The following TARS3 variants were observed in gnomAD, a reference collection of about 807,000 sequenced individuals.
The protein encoded by TARS3 is threonine--tRNA ligase 2, cytoplasmic.
TARS3 carries 94 observed loss-of-function variants against 103.5 expected under a neutral mutation model. That is an observed-to-expected ratio of 0.91 (90% CI 0.77 to 1.08). The LOEUF (loss-of-function observed/expected upper bound fraction) is 1.08, where lower values mean the gene tolerates loss of function less well. TARS3 is among the 50% of genes least tolerant of loss of function. The pLI is 0.00. For missense variants in TARS3, 952 were observed against 995.2 expected, an observed-to-expected ratio of 0.96 and a Z score of 0.58; for synonymous variants, 416 against 355.4, an observed-to-expected ratio of 1.17 and a Z score of -1.92.
Position 101,654,699 on chromosome 15 carries a change from A to G in TARS3, c.2292T>C (p.Ala764=). Residue 764 remains alanine, a synonymous_variant, in exon 19 of 19, where the codon GCT becomes GCC. Coordinates refer to ENST00000335968, the MANE Select transcript of TARS3 (RefSeq NM_152334.3). ...TGTTGTCTCTTGTTCGCACGTTTAC[A>G]GCATTATCTATCTTTTCCTTTTCTC... ...VVGEKEKIDN[A]VNVRTRDNKI... The G allele has an allele frequency of 1.2e-6, 2 of 1,614,012 alleles. No homozygotes were observed. The highest frequency in any genetic ancestry group is 1.1e-5 in the South Asian group (1 of 91,032).
At chr15:101,655,911 G>A (rs2141376589) in intron 18 of TARS3, 1 of 1,289,254 alleles carries the variant, frequency 7.8e-7, no homozygotes, top group East Asian at 5.5e-5. Context: ...GAGCCAGCCA[G>A]AACTTTCTGG....
At position 101,654,242 on chromosome 15, in the gene TARS3, A is replaced by C. The variant is rs1345646357; in HGVS notation, c.*340T>G. 5.1e-6 allele frequency: 1 copy of C among 195,646 alleles called. No individual in the cohort carries two copies. Among genetic ancestry groups the C allele is most frequent in the Non-Finnish European group, 1.0e-5 (1 of 98,066 alleles). The allele number at this position is 195,646 out of a possible 1,614,324, so 12.1% of individuals were successfully genotyped here. ...CCCTCCTATTTAAAAAAAACTCTGC[A>C]GACTTTTATTTGAAGCCCATCTTTT... is the stretch of plus-strand genomic sequence containing the variant. On this transcript the variant is annotated 3_prime_UTR_variant, in exon 19 of 19. Coordinates refer to ENST00000335968, the MANE Select transcript of TARS3 (RefSeq NM_152334.3).
intron 10 of TARS3, among the ~76,000 whole-genome samples, chr15:101,696,473 G>A (rs1898988298): frequency 6.6e-6 from 1 of 152,070 alleles, no homozygotes; most frequent in Non-Finnish European, 1.5e-5. Context: ...ACCCACAGGA[G>A]CCTAAAATTT....
chr15:101,668,495 GAAT>G (rs534511754), intron 15 of TARS3, among the ~76,000 whole-genome samples: 184 of 152,186 alleles, frequency 1.2e-3, no homozygotes, highest in African/African-American at 4.2e-3. Flanking sequence ...ATAACAGATA[GAAT>G]AATAATGAAA....
intron 12 of TARS3, among the ~76,000 whole-genome samples, chr15:101,682,571 T>A (rs1218447468): frequency 1.3e-5 from 2 of 152,184 alleles, no homozygotes; most frequent in African/African-American, 4.8e-5. Context: ...TTTGATTTTA[T>A]GTTCATGAGA....
intron 15 of TARS3, among the ~76,000 whole-genome samples, chr15:101,670,198 G>A (rs1320119804): frequency 6.6e-6 from 1 of 152,066 alleles, no homozygotes. Context: ...AGGATGAATG[G>A]GAAAGTAAAG....
chr15:101,676,854 T>C (rs1335833852), intron 12 of TARS3, among the ~76,000 whole-genome samples: 1 of 151,722 alleles, frequency 6.6e-6, no homozygotes, highest in Non-Finnish European at 1.5e-5. Flanking sequence ...GTGTAGTTTG[T>C]TACATAGGTA....
chr15:101,714,074 G>A (rs1171359299), intron 4 of TARS3, among the ~76,000 whole-genome samples: 2 of 152,130 alleles, frequency 1.3e-5, no homozygotes, highest in African/African-American at 4.8e-5. Context: ...CAACGTTCAG[G>A]CGACAACGTA....
chr15:101,667,058 C>T (rs962754274), intron 15 of TARS3, among the ~76,000 whole-genome samples: 3 of 152,092 alleles, frequency 2.0e-5, no homozygotes, highest in African/African-American at 4.8e-5. Flanking sequence ...TCTCCTTGTA[C>T]GTCTCCATCA....
At chr15:101,693,588 C>CA (rs1898832028) in intron 10 of TARS3, among the ~76,000 whole-genome samples, 1 of 152,212 alleles carries the variant, frequency 6.6e-6, no homozygotes, top group Non-Finnish European at 1.5e-5. Flanking sequence ...TATGTTCATA[C>CA]AAAAAACTGT....
At chr15:101,717,340 T>C (rs1900206187) in intron 3 of TARS3, among the ~76,000 whole-genome samples, 1 of 152,270 alleles carries the variant, frequency 6.6e-6, no homozygotes. Flanking sequence ...CATTCATCTA[T>C]ACTCAGGATT....
At chr15:101,672,138 C>G (rs1897833205) in intron 13 of TARS3, among the ~76,000 whole-genome samples, 1 of 152,148 alleles carries the variant, frequency 6.6e-6, no homozygotes, top group South Asian at 2.1e-4. Flanking sequence ...ATCACACTCC[C>G]TCTTCCACTC....
chr15:101,705,107 A>G lies in TARS3; in HGVS notation c.995+576T>C, dbSNP rs187058228. On this transcript the variant is annotated intron_variant, in intron 7 of 18. Transcript: ENST00000335968. ...TGACATATAAGGCGTATACACACGAATAAAGAAAAAGGTGCTCAGGAACCT... is the reference window on the plus strand; with the variant it reads ...TGACATATAAGGCGTATACACACGAGTAAAGAAAAAGGTGCTCAGGAACCT... Among the ~76,000 whole-genome samples, 7 of 152,362 alleles carry G rather than the reference A, an allele frequency of 4.6e-5. No individual in the cohort carries two copies. In the East Asian group the frequency reaches 1.3e-3, roughly 29 times the overall value.
intron 12 of TARS3, among the ~76,000 whole-genome samples, chr15:101,682,316 G>C (rs1369871000): frequency 6.6e-6 from 1 of 152,124 alleles, no homozygotes; most frequent in African/African-American, 2.4e-5. Context: ...TCCTAGTTTT[G>C]AGAGTTTTTA....
chr15:101,684,980 A>C (rs1898405752), intron 11 of TARS3, among the ~76,000 whole-genome samples: 1 of 152,232 alleles, frequency 6.6e-6, no homozygotes, highest in Admixed American at 6.5e-5. Context: ...GCAAAACACT[A>C]GCATAGCTTC....
At chr15:101,672,540 T>C (rs1433961433) in intron 13 of TARS3, among the ~76,000 whole-genome samples, 6 of 152,006 alleles carry the variant, frequency 3.9e-5, no homozygotes, top group South Asian at 2.1e-4. Context: ...ACGCGCCTCA[T>C]GGGGAAATCA....
intron 10 of TARS3, among the ~76,000 whole-genome samples, chr15:101,691,230 C>T (rs369176822): frequency 5.4e-5 from 8 of 147,624 alleles, no homozygotes; most frequent in African/African-American, 1.2e-4. Flanking sequence ...TGAGCCACTG[C>T]GCCCGGCCAA....
rs763814068 is a variant in TARS3 at position 101,671,693 on chromosome 15, T to A, written c.1844A>T (p.Asp615Val). 6.2e-7 allele frequency: 1 copy of A among 1,614,126 alleles called. No homozygotes were observed. Residue 615 changes from aspartate to valine, a missense_variant, in exon 14 of 19, where the codon GAT (aspartate) becomes GTT (valine). By Grantham distance (152) the Asp-to-Val change is radical. This residue lies in a region of TARS3 where 540 missense variants were observed against 631.0 expected (regional missense o/e 0.86). Coordinates refer to ENST00000335968, the MANE Select transcript of TARS3 (RefSeq NM_152334.3). ...FGEPWKMNPG[D>V]GAFYGPKIDI... ...CACTTTAGGGCCATAAAATGCTCCA[T>A]CTCCTGGGTTCATTTTCCACGGTTC... is the stretch of plus-strand genomic sequence containing the variant.
chr15:101,657,973 C>A, intron 16 of TARS3, 116 bp from the exon 17 acceptor site: 1 of 614,180 alleles, frequency 1.6e-6, no homozygotes, highest in Admixed American at 3.4e-5. Flanking sequence ...GTTTCAGTAG[C>A]GCAGCATGGA....
Sources: gnomAD v4.1 joint callset for allele counts (sites outside exome capture counted in the v4.1 genomes callset) on GRCh38, gnomAD v4.1.1 for gene constraint, gnomAD v4.1.1 regional missense constraint, MANE v1.5 for transcripts, NCBI Gene and HGNC (gene_info 2026-07-23, HGNC 2026-07-21) for gene names.